Variants in TTLL7 observed in about 807,000 individuals in gnomAD.
The protein encoded by TTLL7 is tubulin tyrosine ligase like 7.
A neutral mutation model predicts 120.2 loss-of-function variants in TTLL7; 53 were observed. The ratio of observed to expected loss-of-function variants is 0.44; its 90% CI spans 0.35 to 0.55. The LOEUF (loss-of-function observed/expected upper bound fraction) is 0.55, where lower values mean the gene tolerates loss of function less well. Among genes scored for constraint, TTLL7 ranks in the 20% least tolerant of loss-of-function variants. The pLI is 0.00. For synonymous variants in TTLL7, 353 were observed against 351.7 expected, an observed-to-expected ratio of 1.00 and a Z score of -0.04; for missense variants, 803 against 1,054.7, an observed-to-expected ratio of 0.76 and a Z score of 3.31.
At chr1:83,940,115 G>T (rs1571250925) in intron 7 of TTLL7, among the ~76,000 whole-genome samples, 1 of 152,140 alleles carries the variant, frequency 6.6e-6, no homozygotes, top group East Asian at 1.9e-4. Context: ...TTACGTGATT[G>T]AAGAGCACAT....
In TTLL7 at chr1:83,992,591, T is replaced by C. The variant is rs748804032; in HGVS notation, c.-177+6340A>G. 1.1e-4 allele frequency among the ~76,000 whole-genome samples: 16 copies of C among 152,260 alleles called. No individual in the cohort carries two copies. In the South Asian group the frequency reaches 2.5e-3, roughly 24 times the overall value. ...ATCTCATTATGCTTCTGCATGCTAA[T>C]TCTGCCTTGCTTTTTCTCTCTAGCT... is the stretch of plus-strand genomic sequence containing the variant. On this transcript the variant is annotated intron_variant, in intron 1 of 20. Transcript: ENST00000260505.
At chr1:83,870,234 G>T in intron 20 of TTLL7, 152 bp from the exon 21 acceptor site, 2 of 686,774 alleles carry the variant, frequency 2.9e-6, no homozygotes, top group Non-Finnish European at 4.4e-6. Context: ...CCTCCAGACT[G>T]TAGGAAAGGA....
chr1:83,914,195 T>A (rs773755384), intron 14 of TTLL7, among the ~76,000 whole-genome samples: 7 of 152,072 alleles, frequency 4.6e-5, no homozygotes, highest in Admixed American at 3.9e-4. Flanking sequence ...CATTTCACTA[T>A]CCAAGAACCT....
rs1006622647 is a variant in TTLL7 at position 83,868,797 on chromosome 1, G to A, written c.*1165C>T. 6.6e-6 allele frequency: 1 copy of A among 151,862 alleles called. No homozygotes were observed. The highest frequency in any genetic ancestry group is 2.4e-5 in the African/African-American group (1 of 41,356). The allele number at this position is 151,862 out of a possible 1,614,324, so 9.4% of individuals were successfully genotyped here. The stretch of plus-strand genomic sequence containing the variant: ...TATACTTTCCAAATAAAAATGAGTG[G>A]TATAAGACATAAAAGCCATATAGAA... On this transcript the variant is annotated 3_prime_UTR_variant, in exon 21 of 21. Coordinates refer to ENST00000260505, the MANE Select transcript of TTLL7 (RefSeq NM_024686.6).
intron 4 of TTLL7, chr1:83,949,627 G>A (rs1302651537): frequency 9.3e-6 from 4 of 429,948 alleles, no homozygotes; most frequent in Non-Finnish European, 1.2e-5. Context: ...CGCCCAACCA[G>A]AAGAGGTTTT....
intron 3 of TTLL7, 109 bp downstream of exon 3, chr1:83,951,736 C>A: frequency 8.9e-6 from 11 of 1,235,192 alleles, no homozygotes; most frequent in East Asian, 2.6e-5. Context: ...TTTAAAAATC[C>A]ATTATATAAA....
chr1:83,870,020 T>C lies in TTLL7; in HGVS notation c.2606A>G (p.Asn869Ser), dbSNP rs1375746672. The C allele has an allele frequency of 3.8e-6, 6 of 1,589,114 alleles. No homozygotes were observed. The highest frequency in any genetic ancestry group is 2.7e-5 in the African/African-American group (2 of 73,428). ...ATTGGAGCGAGTCATTCCAGGTGAA[T>C]TGTACTTCAAGTTGTAGGTTGGTGT... ...LRTPTYNLKY[N>S]SPGMTRSNVL... Residue 869 changes from asparagine (N) to serine (S), a missense_variant, in exon 21 of 21, where the codon AAT becomes AGT. Physicochemically the swap from Asn to Ser is conservative, Grantham distance 46 (BLOSUM62 1). Transcript: ENST00000260505.
intron 10 of TTLL7, among the ~76,000 whole-genome samples, chr1:83,923,525 CACAA>C (rs543396879): frequency 4.9e-4 from 75 of 152,084 alleles, no homozygotes; most frequent in South Asian, 1.0e-3. Flanking sequence ...GATACTTATA[CACAA>C]ACAGTTTGAA....
chr1:83,945,915 A>G (rs1648447384), intron 6 of TTLL7: 2 of 152,160 alleles, frequency 1.3e-5, no homozygotes, highest in African/African-American at 2.4e-5. Flanking sequence ...GTTTAAAATT[A>G]CCAAACCACA....
chr1:83,933,391 G>A (rs1034905865), intron 9 of TTLL7, among the ~76,000 whole-genome samples: 2 of 152,136 alleles, frequency 1.3e-5, no homozygotes, highest in Admixed American at 1.3e-4. Context: ...TAGAAACTCA[G>A]CTGATGCTAA....
intron 8 of TTLL7, among the ~76,000 whole-genome samples, chr1:83,937,520 G>A (rs530754627): frequency 9.2e-5 from 14 of 152,186 alleles, no homozygotes; most frequent in Admixed American, 3.3e-4. Context: ...GTAATGTTTT[G>A]TACAGGTTTG....
intron 1 of TTLL7, among the ~76,000 whole-genome samples, chr1:83,977,568 G>C (rs1473420962): frequency 6.6e-6 from 1 of 152,118 alleles, no homozygotes; most frequent in Non-Finnish European, 1.5e-5. Context: ...AGCCAGCCAT[G>C]AGTTGACTGG....
intron 1 of TTLL7, among the ~76,000 whole-genome samples, chr1:83,977,378 T>C (rs1324327943): frequency 6.6e-6 from 1 of 152,148 alleles, no homozygotes; most frequent in East Asian, 1.9e-4. Context: ...AGCCAGTCTT[T>C]CTGGAATGTT....
chr1:83,970,829 T>A (rs2100569151), intron 1 of TTLL7, among the ~76,000 whole-genome samples: 1 of 151,994 alleles, frequency 6.6e-6, no homozygotes, highest in South Asian at 2.1e-4. Flanking sequence ...AAAGGGTGTA[T>A]GATAATGACA....
chr1:83,917,432 C>A (rs1658285120), intron 14 of TTLL7, among the ~76,000 whole-genome samples, 172 bp downstream of exon 14: 1 of 152,040 alleles, frequency 6.6e-6, no homozygotes, highest in African/African-American at 2.4e-5. Context: ...ACTAATAAAA[C>A]AAAACAAACT....
rs768410918 is a variant in TTLL7 at position 83,937,973 on chromosome 1, T to C, written c.767A>G (p.His256Arg). Residue 256 changes from histidine (H) to arginine (R), a missense_variant, in exon 8 of 21, where the codon CAT (histidine) becomes CGT (arginine). By Grantham distance (29) the His-to-Arg change is conservative. Around this residue, in one of 3 missense-constraint regions of TTLL7, gnomAD observed 324 missense variants for 507.7 expected, o/e 0.64. Transcript: ENST00000260505. ...MHLTNYSVNK[H>R]NEHFERDETE... ...TTCATCCCGTTCAAAATGCTCATTA[T>C]GCTTGTTCACGGAGTAGTTTGTCAG... 6.2e-7 allele frequency: 1 copy of C among 1,614,108 alleles called. No individual in the cohort carries two copies. Among genetic ancestry groups the C allele is most frequent in the African/African-American group, 1.3e-5 (1 of 75,052 alleles).
intron 13 of TTLL7, among the ~76,000 whole-genome samples, chr1:83,919,067 G>T (rs1337356155): frequency 6.6e-6 from 1 of 152,046 alleles, no homozygotes; most frequent in Non-Finnish European, 1.5e-5. Context: ...TGTGAGTGAA[G>T]CTACCCTGGA....
chr1:83,903,721 A>G (rs947203681), intron 18 of TTLL7, among the ~76,000 whole-genome samples: 6 of 152,074 alleles, frequency 3.9e-5, no homozygotes, highest in Non-Finnish European at 7.4e-5. Context: ...TTCAGTACAG[A>G]CACAGCCATC....
At chr1:83,878,373 A>G (rs1044005962) in intron 20 of TTLL7, among the ~76,000 whole-genome samples, 2 of 151,922 alleles carry the variant, frequency 1.3e-5, no homozygotes, top group African/African-American at 2.4e-5. Flanking sequence ...TGATTATTAA[A>G]TCTTCCTCTA....
Sources: allele counts gnomAD v4.1 joint callset (sites outside exome capture counted in the v4.1 genomes callset), GRCh38; gene constraint gnomAD v4.1.1; regional missense constraint gnomAD v4.1.1; transcripts MANE v1.5; gene names NCBI Gene and HGNC (gene_info 2026-07-23, HGNC 2026-07-21).